The following MATN2 variants were observed in gnomAD, a reference collection of about 807,000 sequenced individuals.
MATN2 encodes the protein matrilin-2.
Under a neutral mutation model 103.2 loss-of-function variants are expected in MATN2, and 69 were observed. That is an observed-to-expected ratio of 0.67 (90% CI 0.55 to 0.82). The LOEUF is 0.82. Ranked by LOEUF, MATN2 falls within the 40% of genes least tolerant of loss-of-function variation. The pLI, the probability that MATN2 is intolerant of heterozygous loss-of-function variation, is 0.00. For synonymous variants in MATN2, 429 were observed against 450.2 expected (o/e 0.95, Z 0.60); for missense variants, 1,023 against 1,211.5 (o/e 0.84, Z 2.31).
chr8:97,967,889 C>T (rs1321975484), intron 5 of MATN2, among the ~76,000 whole-genome samples: 1 of 152,274 alleles, frequency 6.6e-6, no homozygotes, highest in African/African-American at 2.4e-5. Flanking sequence ...CCCTTTGGCA[C>T]TGACCTAGTA....
At chr8:97,995,311 T>C (rs532228467) in intron 7 of MATN2, among the ~76,000 whole-genome samples, 1 of 152,352 alleles carries the variant, frequency 6.6e-6, no homozygotes, top group African/African-American at 2.4e-5. Context: ...CTCATAGATG[T>C]GCACAATGTT....
chr8:97,929,307 TTCTC>T (rs1272696135), intron 2 of MATN2, among the ~76,000 whole-genome samples: 1 of 152,228 alleles, frequency 6.6e-6, no homozygotes, highest in Non-Finnish European at 1.5e-5. Flanking sequence ...CATTTTGGCT[TTCTC>T]TCTCTTTCTT....
At position 97,889,781 on chromosome 8, in the gene MATN2, A is replaced by G. The variant is rs902066843; in HGVS notation, c.142+1539A>G. 4.6e-5 allele frequency among the ~76,000 whole-genome samples: 7 copies of G among 151,974 alleles called. No individual in the cohort carries two copies. The South Asian group carries it at 1.0e-3, about 23-fold the overall frequency. On this transcript the variant is annotated intron_variant, in intron 2 of 18. Transcript: ENST00000254898. ...TCTGGATCACCAGCAGTAACTGCCC[A>G]GTTGGGTTTCTGATGGGGCTGGTCT...
intron 7 of MATN2, among the ~76,000 whole-genome samples, chr8:97,997,264 C>T (rs755054581): frequency 6.8e-4 from 103 of 152,310 alleles, no homozygotes; most frequent in South Asian, 1.5e-3. Context: ...AGCCAAGAGA[C>T]GTGACGTCCA....
Position 97,982,153 on chromosome 8 carries a change from G to A in MATN2, c.1081+3145G>A, listed in dbSNP as rs1468967026. ...TTGGGGTGGGCAGGAGCCAGACCCA[G>A]GAGGAGGGAGACAAGAGGAAGAAAG... On this transcript the variant is annotated intron_variant, in intron 6 of 18. Transcript: ENST00000254898. The surrounding 1 kb of genome is among the most constrained non-coding windows in gnomAD (Gnocchi z 4.3). Among the ~76,000 whole-genome samples, 1 of 152,204 alleles carries A rather than the reference G, an allele frequency of 6.6e-6. No individual in the cohort carries two copies. The highest frequency in any genetic ancestry group is 1.9e-4 in the East Asian group (1 of 5,184).
intron 2 of MATN2, among the ~76,000 whole-genome samples, chr8:97,917,435 A>G (rs1809668947): frequency 6.6e-6 from 1 of 152,216 alleles, no homozygotes; most frequent in Non-Finnish European, 1.5e-5. Flanking sequence ...TTCAGCCTGT[A>G]TGTCGAGCAT....
At chr8:97,968,753 A>G (rs1044896629) in intron 5 of MATN2, among the ~76,000 whole-genome samples, 6 of 152,184 alleles carry the variant, frequency 3.9e-5, no homozygotes, top group South Asian at 4.1e-4. Flanking sequence ...ACAAGTCTCT[A>G]AGGGGTTCCA....
At chr8:97,912,004 A>G (rs1809461310) in intron 2 of MATN2, among the ~76,000 whole-genome samples, 1 of 152,352 alleles carries the variant, frequency 6.6e-6, no homozygotes, top group African/African-American at 2.4e-5. Flanking sequence ...CGGAAGAGGA[A>G]ACTGAAGGAG....
intron 2 of MATN2, among the ~76,000 whole-genome samples, chr8:97,899,228 G>A (rs187132260): frequency 1.4e-4 from 22 of 152,224 alleles, no homozygotes; most frequent in Admixed American, 1.1e-3. Flanking sequence ...AGCCTGTACA[G>A]CAATTGCCTG....
chr8:97,993,037 C>A (rs1162224674), intron 6 of MATN2, among the ~76,000 whole-genome samples: 1 of 151,934 alleles, frequency 6.6e-6, no homozygotes, highest in Non-Finnish European at 1.5e-5. Context: ...AGCTGAAAGC[C>A]AAGCAGCCAT....
At position 97,961,461 on chromosome 8, in the gene MATN2, G is replaced by T. The variant is rs749559011; in HGVS notation, c.889G>T (p.Val297Leu). 3 of 1,613,884 alleles carry T rather than the reference G, an allele frequency of 1.9e-6. No individual in the cohort carries two copies. The highest frequency in any genetic ancestry group is 2.2e-5 in the East Asian group (1 of 44,882). The change falls in exon 5 of 19, where the codon GTG (valine) becomes TTG (leucine). Residue 297 changes from valine to leucine, a missense_variant. Val to Leu is a conservative substitution (Grantham distance 32, BLOSUM62 1). Transcript: ENST00000254898. ...DHNCEQLCVN[V>L]PGSFVCQCYS... is the part of the protein sequence containing the mutation. ...CAACTGTGAGCAGCTCTGTGTGAAT[G>T]TGCCGGGCTCCTTCGTCTGCCAGTG...
chr8:97,886,979 A>C (rs904875900), intron 1 of MATN2, among the ~76,000 whole-genome samples: 62 of 151,262 alleles, frequency 4.1e-4, no homozygotes, highest in African/African-American at 1.5e-3. Flanking sequence ...TGCTCACTGC[A>C]GTCCTGGGTT....
chr8:97,953,399 G>A (rs1013100712), intron 4 of MATN2, among the ~76,000 whole-genome samples: 2 of 152,210 alleles, frequency 1.3e-5, no homozygotes, highest in East Asian at 1.9e-4. Flanking sequence ...CCTGCACTTC[G>A]GGAGGCCAGG....
chr8:97,973,430 C>T (rs1047901969), intron 5 of MATN2, among the ~76,000 whole-genome samples: 2 of 151,992 alleles, frequency 1.3e-5, no homozygotes, highest in African/African-American at 4.8e-5. Flanking sequence ...GAGGGGAATC[C>T]TAAAAAACTA....
At chr8:98,016,729 C>T in intron 11 of MATN2, 67 bp downstream of exon 11, 1 of 1,559,050 alleles carries the variant, frequency 6.4e-7, no homozygotes, top group Non-Finnish European at 8.7e-7. Context: ...CTATCCTTAT[C>T]TCTGTATATA....
chr8:97,939,534 C>T (rs990212363), intron 3 of MATN2, among the ~76,000 whole-genome samples: 4 of 152,150 alleles, frequency 2.6e-5, no homozygotes, highest in Non-Finnish European at 5.9e-5. Flanking sequence ...GTCTCAGCTA[C>T]TTGGGAGGCT....
chr8:97,902,192 T>A (rs56004113), intron 2 of MATN2, among the ~76,000 whole-genome samples: 7,604 of 147,608 alleles, frequency 0.052, 218 homozygotes, highest in African/African-American at 0.082. Context: ...TTTTTTTTTT[T>A]AACAAAAAGT....
intron 1 of MATN2, among the ~76,000 whole-genome samples, chr8:97,878,882 T>C (rs1302710940): frequency 6.6e-6 from 1 of 151,992 alleles, no homozygotes; most frequent in African/African-American, 2.4e-5. Context: ...GAAGATGTTA[T>C]CCTCCTATTA....
At chr8:97,879,951 C>T (rs1473394675) in intron 1 of MATN2, among the ~76,000 whole-genome samples, 2 of 152,184 alleles carry the variant, frequency 1.3e-5, no homozygotes, top group African/African-American at 4.8e-5. Flanking sequence ...ATTCACACAG[C>T]TCCAGTATTG....
Sources: gnomAD v4.1 joint callset for allele counts (sites outside exome capture counted in the v4.1 genomes callset) on GRCh38, gnomAD v4.1.1 for gene constraint, Gnocchi (gnomAD v3.1) non-coding constraint, MANE v1.5 for transcripts, NCBI Gene and HGNC (gene_info 2026-07-23, HGNC 2026-07-21) for gene names.